The following DPP10 variants were observed in gnomAD, a reference collection of about 807,000 sequenced individuals.
DPP10 encodes dipeptidyl peptidase like 10.
A neutral mutation model predicts 120.9 loss-of-function variants in DPP10; 33 were observed. The ratio of observed to expected loss-of-function variants is 0.27; its 90% CI spans 0.21 to 0.37. The LOEUF is 0.37. Ranked by LOEUF, DPP10 falls within the 10% of genes least tolerant of loss-of-function variation. The probability of loss-of-function intolerance (pLI) is 1.00; values close to 1 mark genes in which losing one functional copy is unlikely to be tolerated. For synonymous variants in DPP10, 337 were observed against 326.1 expected (o/e 1.03, Z -0.36); for missense variants, 816 against 942.8 (o/e 0.87, Z 1.76).
rs1281565600 is a variant in DPP10, at chr2:115,347,136, TGAA to T, written c.271+3228_271+3230del. Among the ~76,000 whole-genome samples the T allele has an allele frequency of 3.3e-5, 5 of 152,128 alleles. No individual in the cohort carries two copies. In the East Asian group the frequency reaches 9.6e-4, roughly 29 times the overall value. ...TATGTCACTTGGAAGACTTTAGAAA[TGAA>T]GAATCAAAGGCCTAGGGAAAACTGT... On this transcript the variant is annotated intron_variant, in intron 3 of 25. Transcript: ENST00000410059.
At chr2:115,166,732 A>T (rs1016572579) in intron 1 of DPP10, among the ~76,000 whole-genome samples, 1 of 151,808 alleles carries the variant, frequency 6.6e-6, no homozygotes, top group African/African-American at 2.4e-5. Context: ...AACTTAAAGA[A>T]AATTGTATTA....
chr2:115,109,075 G>C lies in DPP10; in HGVS notation c.61-200164G>C, dbSNP rs189849206. On this transcript the variant is annotated intron_variant, in intron 1 of 25. Transcript: ENST00000410059. ...TTTATAAAGTAAATAATAGGGATTTGGCGTGTGTGTGTCTGGCCTTGTCAG... is the reference window on the plus strand; with the variant it reads ...TTTATAAAGTAAATAATAGGGATTTCGCGTGTGTGTGTCTGGCCTTGTCAG... 8.6e-4 allele frequency among the ~76,000 whole-genome samples: 131 copies of C among 152,228 alleles called. No individual in the cohort carries two copies. The Middle Eastern group carries it at 0.01, about 12-fold the overall frequency.
intron 1 of DPP10, among the ~76,000 whole-genome samples, chr2:115,243,604 T>C (rs1053937129): frequency 2.6e-5 from 4 of 152,160 alleles, no homozygotes; most frequent in African/African-American, 7.2e-5. Context: ...CACCATGATC[T>C]TTGACTTACT....
intron 1 of DPP10, among the ~76,000 whole-genome samples, chr2:114,657,340 C>G (rs920798196): frequency 2.6e-5 from 4 of 152,064 alleles, no homozygotes; most frequent in Non-Finnish European, 5.9e-5. Context: ...GGAATCTTCC[C>G]CATTATGTTT....
At chr2:114,982,572 T>G (rs1290221086) in intron 1 of DPP10, among the ~76,000 whole-genome samples, 1 of 152,082 alleles carries the variant, frequency 6.6e-6, no homozygotes, top group Non-Finnish European at 1.5e-5. Flanking sequence ...AAAATCAAAA[T>G]TATTTTTTAC....
intron 1 of DPP10, among the ~76,000 whole-genome samples, chr2:114,802,189 C>A (rs34893774): frequency 0.061 from 9,288 of 151,748 alleles, 324 homozygotes; most frequent in South Asian, 0.1. Context: ...AAATACATAA[C>A]CTGGGAATAT....
chr2:115,461,949 G>A (rs1176909373), intron 3 of DPP10, among the ~76,000 whole-genome samples: 2 of 152,022 alleles, frequency 1.3e-5, no homozygotes, highest in Admixed American at 1.3e-4. Context: ...GCCCTTTCGT[G>A]TGGACCTTTG....
intron 1 of DPP10, among the ~76,000 whole-genome samples, chr2:115,244,226 A>G (rs1201339843): frequency 1.3e-4 from 5 of 37,528 alleles, no homozygotes; most frequent in African/African-American, 4.8e-4. Context: ...GTATATATAT[A>G]TATATATATA....
intron 8 of DPP10, among the ~76,000 whole-genome samples, chr2:115,734,650 T>G (rs2092990275): frequency 1.3e-5 from 1 of 74,078 alleles, no homozygotes; most frequent in Non-Finnish European, 2.6e-5. Flanking sequence ...AGTGAGACTC[T>G]GTCTTAAAAA....
intron 1 of DPP10, among the ~76,000 whole-genome samples, chr2:115,019,337 A>G (rs1047377984): frequency 1.3e-4 from 20 of 152,154 alleles, no homozygotes; most frequent in African/African-American, 4.3e-4. Flanking sequence ...AGAAATCACA[A>G]CTTCTGGAAA....
In DPP10 at chr2:115,125,568, C is replaced by CTTTTTTT. The variant is rs57686926; in HGVS notation, c.61-183657_61-183651dup. Among the ~76,000 whole-genome samples the CTTTTTTT allele has an allele frequency of 2.9e-4, 33 of 112,166 alleles. 2 individuals are homozygous for CTTTTTTT. Among genetic ancestry groups the CTTTTTTT allele is most frequent in the East Asian group, 1.6e-3 (5 of 3,200 alleles). The allele number at this position is 112,166 out of a possible 152,430, so 73.6% of individuals were successfully genotyped here. A position where few individuals can be genotyped will look rare whatever the true frequency, so the allele number is the denominator to read the frequency against. On this transcript the variant is annotated intron_variant, in intron 1 of 25. Coordinates refer to ENST00000410059, the MANE Select transcript of DPP10 (RefSeq NM_020868.6). ...ACCTAAGTTCAATAGATCATAATGG[C>CTTTTTTT]TTTTTTTTTTTTTTTTTTTTGAGAC...
At chr2:115,492,709 G>A (rs889503428) in intron 3 of DPP10, among the ~76,000 whole-genome samples, 14 of 152,222 alleles carry the variant, frequency 9.2e-5, no homozygotes, top group East Asian at 1.9e-4. Context: ...AGATGTGTTG[G>A]TATAGATCGT....
chr2:115,316,120 G>C (rs1178373233), intron 2 of DPP10, among the ~76,000 whole-genome samples: 2 of 152,112 alleles, frequency 1.3e-5, no homozygotes, highest in Admixed American at 1.3e-4. Flanking sequence ...TTTCTTGCCA[G>C]ATGTTGTACT....
intron 2 of DPP10, among the ~76,000 whole-genome samples, chr2:115,315,607 T>A (rs2106066440): frequency 6.6e-6 from 1 of 152,340 alleles, no homozygotes; most frequent in Non-Finnish European, 1.5e-5. Flanking sequence ...AATAATGTTT[T>A]ACCAGATTTT....
intron 1 of DPP10, among the ~76,000 whole-genome samples, chr2:115,007,549 T>A (rs1701946819): frequency 6.7e-6 from 1 of 149,312 alleles, no homozygotes; most frequent in African/African-American, 2.4e-5. Context: ...CCACTCCTAT[T>A]CAACATAGTG....
intron 1 of DPP10, chr2:115,297,345 T>G (rs2060931218): frequency 3.1e-6 from 1 of 317,492 alleles, no homozygotes; most frequent in African/African-American, 2.2e-5. Context: ...GGCTGCCAAG[T>G]TTACTATTTT....
intron 3 of DPP10, among the ~76,000 whole-genome samples, chr2:115,469,512 A>G (rs914779983): frequency 4.6e-5 from 7 of 152,186 alleles, no homozygotes; most frequent in African/African-American, 1.2e-4. Flanking sequence ...CTTTAACTTT[A>G]TATCTGTTTA....
intron 1 of DPP10, among the ~76,000 whole-genome samples, chr2:114,841,389 C>A (rs991115855): frequency 1.3e-5 from 2 of 152,106 alleles, no homozygotes; most frequent in African/African-American, 2.4e-5. Context: ...CTCAGCAGTG[C>A]ACTTTTGGGG....
At chr2:115,599,779 A>G (rs1489082156) in intron 5 of DPP10, among the ~76,000 whole-genome samples, 1 of 152,148 alleles carries the variant, frequency 6.6e-6, no homozygotes, top group African/African-American at 2.4e-5. Context: ...TACCTCCAAC[A>G]GATTATTGAA....
Sources: gnomAD v4.1 joint callset for allele counts (sites outside exome capture counted in the v4.1 genomes callset) on GRCh38, gnomAD v4.1.1 for gene constraint, MANE v1.5 for transcripts, NCBI Gene and HGNC (gene_info 2026-07-23, HGNC 2026-07-21) for gene names.